Variants in SRGAP3 observed in about 807,000 individuals in gnomAD.
The protein encoded by SRGAP3 is SLIT-ROBO Rho GTPase activating protein 3.
In SRGAP3, 39 loss-of-function variants were observed where a neutral mutation model predicts 121.1. That is an observed-to-expected ratio of 0.32 (90% CI 0.25 to 0.42). The LOEUF (loss-of-function observed/expected upper bound fraction) is 0.42. SRGAP3 is among the 10% of genes least tolerant of loss of function. SRGAP3 has a pLI of 1.00. For synonymous variants in SRGAP3, 601 were observed against 570.0 expected, an observed-to-expected ratio of 1.05 and a Z score of -0.77; for missense variants, 1,213 against 1,470.6, an observed-to-expected ratio of 0.82 and a Z score of 2.86.
intron 3 of SRGAP3, among the ~76,000 whole-genome samples, chr3:9,088,380 C>A (rs910909751): frequency 6.6e-6 from 1 of 152,178 alleles, no homozygotes; most frequent in African/African-American, 2.4e-5. Flanking sequence ...TGAGGCTGAC[C>A]AATCTCAAGA....
chr3:9,258,956 A>C (rs1453082056), intron 3 of SRGAP3, among the ~76,000 whole-genome samples: 1 of 152,188 alleles, frequency 6.6e-6, no homozygotes, highest in African/African-American at 2.4e-5. Context: ...TCCTCCTCGC[A>C]CTTAAGAGTT....
chr3:9,328,477 C>T (rs1009872551), intron 2 of SRGAP3, among the ~76,000 whole-genome samples: 2 of 152,188 alleles, frequency 1.3e-5, no homozygotes, highest in East Asian at 3.8e-4. Flanking sequence ...TTTAATTAAG[C>T]TGACTTTTTA....
Position 8,995,897 on chromosome 3 carries a change from C to A in SRGAP3, c.2228-1374G>T, listed in dbSNP as rs888143655. Reference sequence around the variant, plus strand: ...AGAACAGAAGAGTAACAAAAGCAACCCCTGCCCTCTCTCTAGCCTGTAGAT... The same window carrying A: ...AGAACAGAAGAGTAACAAAAGCAACACCTGCCCTCTCTCTAGCCTGTAGAT... On this transcript the variant is annotated intron_variant, in intron 18 of 21. Transcript: ENST00000383836. Among the ~76,000 whole-genome samples, 5 of 152,154 alleles carry A rather than the reference C, an allele frequency of 3.3e-5. No homozygotes were observed. In the East Asian group the frequency reaches 7.7e-4, roughly 23 times the overall value.
At chr3:9,172,752 CA>C (rs1951029750) in intron 1 of SRGAP3, among the ~76,000 whole-genome samples, 1 of 152,324 alleles carries the variant, frequency 6.6e-6, no homozygotes, top group South Asian at 2.1e-4. Flanking sequence ...ATCAAAACGA[CA>C]AAGTGCACAG....
intron 1 of SRGAP3, among the ~76,000 whole-genome samples, chr3:9,352,205 C>G (rs992032930): frequency 1.3e-5 from 2 of 152,082 alleles, no homozygotes; most frequent in Admixed American, 1.3e-4. Context: ...CTGCATTTCC[C>G]CAATCTGCAG....
intron 1 of SRGAP3, among the ~76,000 whole-genome samples, chr3:9,360,679 A>C (rs1018451146): frequency 1.3e-5 from 2 of 152,226 alleles, no homozygotes; most frequent in African/African-American, 4.8e-5. Flanking sequence ...GAATGGGAGA[A>C]GCGGAAGTGG....
chr3:9,100,141 CAAG>C (rs1384390927), intron 3 of SRGAP3, among the ~76,000 whole-genome samples: 3 of 152,152 alleles, frequency 2.0e-5, no homozygotes, highest in Non-Finnish European at 4.4e-5. Context: ...TAGTAAGGGC[CAAG>C]AAGATTATAC....
At chr3:9,311,751 G>A (rs1955251673) in intron 3 of SRGAP3, among the ~76,000 whole-genome samples, 1 of 152,176 alleles carries the variant, frequency 6.6e-6, no homozygotes, top group South Asian at 2.1e-4. Flanking sequence ...ACCACAGGTT[G>A]TCTTCCTCTG....
intron 1 of SRGAP3, among the ~76,000 whole-genome samples, chr3:9,331,814 G>A (rs931148403): frequency 6.6e-6 from 1 of 152,086 alleles, no homozygotes; most frequent in African/African-American, 2.4e-5. Flanking sequence ...AGACATTCCT[G>A]TTATAACAAA....
intron 1 of SRGAP3, among the ~76,000 whole-genome samples, chr3:9,245,665 T>C (rs1427270993): frequency 6.6e-6 from 1 of 152,122 alleles, no homozygotes; most frequent in Non-Finnish European, 1.5e-5. Context: ...GGCTCACACC[T>C]ATGATCGTAG....
In SRGAP3 at chr3:9,218,088, G is replaced by A. The variant is rs1180378593; in HGVS notation, c.67+30797C>T. 8.3e-6 allele frequency: 1 copy of A among 120,992 alleles called. No individual in the cohort carries two copies. Among genetic ancestry groups the A allele is most frequent in the Non-Finnish European group, 1.7e-5 (1 of 57,612 alleles). The allele number at this position is 120,992 out of a possible 1,614,324, so 7.5% of individuals were successfully genotyped here. A position where few individuals can be genotyped will look rare whatever the true frequency, so the allele number is the denominator to read the frequency against. On this transcript the variant is annotated intron_variant, in intron 1 of 21. Coordinates refer to ENST00000383836, the MANE Select transcript of SRGAP3 (RefSeq NM_014850.4). This position sits in a 1 kb window ranked among gnomAD's most constrained non-coding sequence, Gnocchi z 5.3. ...CCATTGAGAGTACTTCTGAAAGACA[G>A]TGCTTACTTAGCTTGGGCTCCAGAT...
intron 1 of SRGAP3, among the ~76,000 whole-genome samples, chr3:9,169,419 G>A (rs1183726009): frequency 6.6e-6 from 1 of 152,160 alleles, no homozygotes; most frequent in Non-Finnish European, 1.5e-5. Flanking sequence ...GGGTGAGTAG[G>A]AATTCAAGCA....
rs190266609 is a variant in SRGAP3 at position 9,175,402 on chromosome 3, C to T, written c.68-50485G>A. ...CCCAATTCCTAGCACAAGCCAGGGCCACAGAAAGTCCTGGATAAACATTTA... is the reference window on the plus strand; with the variant it reads ...CCCAATTCCTAGCACAAGCCAGGGCTACAGAAAGTCCTGGATAAACATTTA... On this transcript the variant is annotated intron_variant, in intron 1 of 21. Transcript: ENST00000383836. Among the ~76,000 whole-genome samples the T allele has an allele frequency of 2.0e-5, 3 of 152,284 alleles. No homozygotes were observed. In the East Asian group the frequency reaches 5.8e-4, roughly 29 times the overall value.
intron 1 of SRGAP3, among the ~76,000 whole-genome samples, chr3:9,152,286 C>T (rs1170945424): frequency 3.9e-5 from 6 of 152,224 alleles, no homozygotes; most frequent in African/African-American, 1.2e-4. Flanking sequence ...ATAACATGAT[C>T]CAGCCCTCTC....
chr3:9,116,639 A>G (rs1412050494), intron 2 of SRGAP3, among the ~76,000 whole-genome samples: 1 of 152,180 alleles, frequency 6.6e-6, no homozygotes, highest in African/African-American at 2.4e-5. Flanking sequence ...GATAATAGCA[A>G]ACCCCTGATG....
intron 3 of SRGAP3, among the ~76,000 whole-genome samples, chr3:9,097,520 C>T (rs1000721990): frequency 6.6e-6 from 1 of 152,190 alleles, no homozygotes; most frequent in African/African-American, 2.4e-5. Flanking sequence ...CACTAGACTA[C>T]CCACCTCTTC....
chr3:9,054,762 G>A (rs1945739335), intron 8 of SRGAP3, among the ~76,000 whole-genome samples: 1 of 152,234 alleles, frequency 6.6e-6, no homozygotes, highest in South Asian at 2.1e-4. Flanking sequence ...CGGAGAGGAG[G>A]TGCTATGGTG....
intron 1 of SRGAP3, among the ~76,000 whole-genome samples, chr3:9,359,600 G>T (rs1319769837): frequency 3.3e-5 from 5 of 152,178 alleles, no homozygotes; most frequent in Non-Finnish European, 7.3e-5. Context: ...CTTCCTCCAG[G>T]ATATGGGGTA....
At chr3:9,071,384 C>T (rs988879490) in intron 4 of SRGAP3, among the ~76,000 whole-genome samples, 1 of 152,096 alleles carries the variant, frequency 6.6e-6, no homozygotes, top group East Asian at 1.9e-4. Flanking sequence ...GAGACCCTGG[C>T]CTGGCCAATC....
Sources: allele counts gnomAD v4.1 joint callset (sites outside exome capture counted in the v4.1 genomes callset), GRCh38; gene constraint gnomAD v4.1.1; non-coding constraint Gnocchi (gnomAD v3.1); transcripts MANE v1.5; gene names NCBI Gene and HGNC (gene_info 2026-07-23, HGNC 2026-07-21).